The following KLHL22 variants were observed in gnomAD, a reference collection of about 807,000 sequenced individuals.
KLHL22 encodes the protein kelch-like protein 22.
In KLHL22, 18 loss-of-function variants were observed where a neutral mutation model predicts 60.7. The observed-to-expected ratio is 0.30, with a 90% CI of 0.20 to 0.44. The LOEUF (loss-of-function observed/expected upper bound fraction) is 0.44, where lower values mean the gene tolerates loss of function less well. Ranked by LOEUF, KLHL22 falls within the 20% of genes least tolerant of loss-of-function variation. The probability of loss-of-function intolerance (pLI) is 1.00; values close to 1 mark genes in which losing one functional copy is unlikely to be tolerated. For synonymous variants in KLHL22, 355 were observed against 354.5 expected, an observed-to-expected ratio of 1.00 and a Z score of -0.01; for missense variants, 596 against 852.3, an observed-to-expected ratio of 0.70 and a Z score of 3.74.
chr22:20,449,040 TTTTTGTTTTG>T (rs146343607), intron 5 of KLHL22, among the ~76,000 whole-genome samples: 6,772 of 151,570 alleles, frequency 0.045, 426 homozygotes, highest in African/African-American at 0.14. Flanking sequence ...TGCCTTCTGT[TTTTTGTTTTG>T]TTTTGTTTTG....
In KLHL22 at chr22:20,457,961, G is replaced by A; in HGVS notation, c.1152C>T (p.Ser384=). 1 of 1,614,176 alleles carries A rather than the reference G, an allele frequency of 6.2e-7. No homozygotes were observed. Among genetic ancestry groups the A allele is most frequent in the South Asian group, 1.1e-5 (1 of 91,086 alleles). The part of the protein sequence containing the change: ...PRHNRWFQIQ[S]LQQEHADLSV... ...ACAGGTCGGCGTGCTCCTGCTGCAGGGACTGGATCTGGAACCAGCGGTTGT... is the reference window on the plus strand; with the variant it reads ...ACAGGTCGGCGTGCTCCTGCTGCAGAGACTGGATCTGGAACCAGCGGTTGT... Residue 384 remains serine, a synonymous_variant, in exon 5 of 7, where the codon TCC becomes TCT. Transcript: ENST00000328879.
Position 20,465,043 on chromosome 22 carries a change from C to T in KLHL22, c.927G>A (p.Thr309=), listed in dbSNP as rs765142539. Reference sequence around the variant, plus strand: ...CCTGGTCGCTGAGGACAGTGGACGGCGTGGAGTGAATGCCCCCGAAGCCCA... The same window carrying T: ...CCTGGTCGCTGAGGACAGTGGACGGTGTGGAGTGAATGCCCCCGAAGCCCA... ...CVVGFGGIHS[T]PSTVLSDQAK... Residue 309 remains threonine, a synonymous_variant, in exon 4 of 7, where the codon ACG becomes ACA. Transcript: ENST00000328879. The surrounding 1 kb of genome is among the most constrained non-coding windows in gnomAD (Gnocchi z 4.9). The T allele has an allele frequency of 1.2e-5, 20 of 1,610,918 alleles. No individual in the cohort carries two copies. In the Admixed American group the frequency reaches 1.8e-4, roughly 15 times the overall value.
At position 20,446,763 on chromosome 22, in the gene KLHL22, ACCTG is replaced by A. The variant is rs1219467648; in HGVS notation, c.1306-91_1306-88del. The A allele has an allele frequency of 1.2e-5, 11 of 949,572 alleles. No homozygotes were observed. The Admixed American group carries it at 1.9e-4, about 17-fold the overall frequency. The allele number at this position is 949,572 out of a possible 1,614,324, so 58.8% of individuals were successfully genotyped here. Reference sequence around the variant, plus strand: ...CTGTCAAGGCCAATCACCACCCCACACCTGCCTGACAACGCTGTGAGGCTTCACC... The same window carrying A: ...CTGTCAAGGCCAATCACCACCCCACACCTGACAACGCTGTGAGGCTTCACC... On this transcript the variant is annotated intron_variant, in intron 5 of 6. Transcript: ENST00000328879.
At chr22:20,481,176 T>A (rs1023001011) in intron 2 of KLHL22, 1 of 152,202 alleles carries the variant, frequency 6.6e-6, no homozygotes, top group African/African-American at 2.4e-5. Flanking sequence ...CAAAGTTAGC[T>A]GAGTTATTTC....
At position 20,457,934 on chromosome 22, in the gene KLHL22, G is replaced by A. The variant is rs750348209; in HGVS notation, c.1179C>T (p.Ser393=). The change falls in exon 5 of 7, where the codon TCC becomes TCT. Residue 393 remains serine, a synonymous_variant. Transcript: ENST00000328879. ...AGATGTACCTGCCTACAACACACAC[G>A]GACAGGTCGGCGTGCTCCTGCTGCA... ...QSLQQEHADL[S]VCVVGRYIYA... 14 of 1,614,010 alleles carry A rather than the reference G, an allele frequency of 8.7e-6. No individual in the cohort carries two copies. The East Asian group carries it at 1.3e-4, about 15-fold the overall frequency.
At chr22:20,461,731 G>A (rs984575940) in intron 4 of KLHL22, among the ~76,000 whole-genome samples, 3 of 152,160 alleles carry the variant, frequency 2.0e-5, no homozygotes, top group Non-Finnish European at 4.4e-5. Flanking sequence ...GGGAGGCTGA[G>A]GCAGGCGGAT....
At chr22:20,477,674 G>C (rs2053435853) in intron 2 of KLHL22, among the ~76,000 whole-genome samples, 3 of 152,182 alleles carry the variant, frequency 2.0e-5, no homozygotes, top group Admixed American at 6.5e-5. Flanking sequence ...GAAGATATGA[G>C]ACATTGTGGG....
chr22:20,463,274 T>C (rs1011196804), intron 4 of KLHL22, among the ~76,000 whole-genome samples: 1 of 152,170 alleles, frequency 6.6e-6, no homozygotes, highest in African/African-American at 2.4e-5. Context: ...GGACTGGTTA[T>C]TGGTTACAGG....
chr22:20,483,586 A>G, intron 2 of KLHL22: 1 of 727,244 alleles, frequency 1.4e-6, no homozygotes, highest in East Asian at 2.6e-5. Flanking sequence ...AGACTAGTGC[A>G]TGGGCAGTTC....
At chr22:20,460,988 G>A (rs897179101) in intron 4 of KLHL22, among the ~76,000 whole-genome samples, 5 of 152,210 alleles carry the variant, frequency 3.3e-5, no homozygotes, top group African/African-American at 9.6e-5. Context: ...CTTAGTGCCC[G>A]AGGCTACAGC....
At chr22:20,479,437 C>T (rs1037285304) in intron 2 of KLHL22, among the ~76,000 whole-genome samples, 1 of 151,960 alleles carries the variant, frequency 6.6e-6, no homozygotes, top group Admixed American at 6.6e-5. Flanking sequence ...TCTATAATCT[C>T]ATGTCCATAA....
chr22:20,450,957 T>G, intron 5 of KLHL22: 3 of 1,606,982 alleles, frequency 1.9e-6, no homozygotes, highest in Middle Eastern at 1.8e-4. Context: ...TAGGAGCCAA[T>G]GAAGTGCTTT....
chr22:20,471,165 C>A (rs369221193), intron 3 of KLHL22, among the ~76,000 whole-genome samples, 185 bp downstream of exon 3: 2 of 152,212 alleles, frequency 1.3e-5, no homozygotes, highest in Non-Finnish European at 1.5e-5. Flanking sequence ...GTGTCTAGAG[C>A]GGCTCTGCTT....
chr22:20,458,136 G>T, intron 4 of KLHL22, 136 bp from the exon 5 acceptor site: 1 of 849,686 alleles, frequency 1.2e-6, no homozygotes, highest in Non-Finnish European at 1.8e-6. Context: ...CCACATACCA[G>T]TGCACACCGA....
chr22:20,446,506 G>A lies in KLHL22; in HGVS notation c.1476C>T (p.Leu492=). 6.2e-7 allele frequency: 1 copy of A among 1,613,188 alleles called. No individual in the cohort carries two copies. The highest frequency in any genetic ancestry group is 8.5e-7 in the Non-Finnish European group (1 of 1,180,020). Residue 492 remains leucine (L), a synonymous_variant, in exon 6 of 7, where the codon CTC becomes CTT. Transcript: ENST00000328879. ...TGCCCCCGATCACATACAGCTTGTTGAGGAGGGTTGCCATGCCGTGCCAGG... is the reference window on the plus strand; with the variant it reads ...TGCCCCCGATCACATACAGCTTGTTAAGGAGGGTTGCCATGCCGTGCCAGG... ...RRAWHGMATL[L]NKLYVIGGSN...
rs139824427 is a variant in KLHL22 at position 20,442,349 on chromosome 22, G to A, written c.1629C>T (p.Asp543=). ...GGCCACCTAACACATAGATCCTGTT[G>A]TCCAGCACAGCAATGCCAGGCTCAC... The part of the protein sequence containing the change: ...GHGEPGIAVL[D]NRIYVLGGRS... The change falls in exon 7 of 7, where the codon GAC becomes GAT. Residue 543 remains aspartate (D), a synonymous_variant. Coordinates refer to ENST00000328879, the MANE Select transcript of KLHL22 (RefSeq NM_032775.4). 1.2e-6 allele frequency: 2 copies of A among 1,613,940 alleles called. No individual in the cohort carries two copies. The highest frequency in any genetic ancestry group is 1.7e-6 in the Non-Finnish European group (2 of 1,180,000).
rs1425883328 is a variant in KLHL22 at position 20,453,675 on chromosome 22, T to C, written c.1305+4133A>G. Reference sequence around the variant, plus strand: ...ACATTTCAGAATAATCTCATTTACATCTAATGTCACAAGTAAAATCAAATC... The same window carrying C: ...ACATTTCAGAATAATCTCATTTACACCTAATGTCACAAGTAAAATCAAATC... On this transcript the variant is annotated intron_variant, in intron 5 of 6. Coordinates refer to ENST00000328879, the MANE Select transcript of KLHL22 (RefSeq NM_032775.4). Among the ~76,000 whole-genome samples the C allele has an allele frequency of 2.0e-5, 3 of 152,208 alleles. 1 individual carries two copies. The highest frequency in any genetic ancestry group is 4.4e-5 in the Non-Finnish European group (3 of 68,042).
At chr22:20,458,366 G>A (rs1178930622) in intron 4 of KLHL22, among the ~76,000 whole-genome samples, 3 of 138,680 alleles carry the variant, frequency 2.2e-5, no homozygotes, top group South Asian at 4.5e-4. Flanking sequence ...CTGTAGCCTC[G>A]ACCTCCTGGG....
At chr22:20,466,470 G>A (rs180755587) in intron 3 of KLHL22, among the ~76,000 whole-genome samples, 1 of 150,980 alleles carries the variant, frequency 6.6e-6, no homozygotes, top group African/African-American at 2.4e-5. Context: ...GGTTTGGAAA[G>A]GACCTAAGAC....
Sources: allele counts gnomAD v4.1 joint callset (sites outside exome capture counted in the v4.1 genomes callset), GRCh38; gene constraint gnomAD v4.1.1; non-coding constraint Gnocchi (gnomAD v3.1); transcripts MANE v1.5; gene names NCBI Gene and HGNC (gene_info 2026-07-23, HGNC 2026-07-21).